Variants in RSF1 observed in about 807,000 individuals in gnomAD.
The protein encoded by RSF1 is remodeling and spacing factor 1.
RSF1 carries 13 observed loss-of-function variants against 145.2 expected under a neutral mutation model. The ratio of observed to expected loss-of-function variants is 0.09; its 90% CI spans 0.06 to 0.14. The LOEUF is 0.14. Among genes scored for constraint, RSF1 ranks in the 10% least tolerant of loss-of-function variants. The pLI is 1.00. For missense variants in RSF1, 1,517 were observed against 1,718.2 expected (o/e 0.88, Z 2.07); for synonymous variants, 577 against 592.6 (o/e 0.97, Z 0.38).
chr11:77,694,522 T>C (rs66738005), intron 7 of RSF1, among the ~76,000 whole-genome samples: 27,473 of 152,162 alleles, frequency 0.18, 3,145 homozygotes, highest in African/African-American at 0.31. Context: ...TACTCAAAAA[T>C]GTTTAATTTA....
At chr11:77,834,399 A>G in the RSF1 span, among the ~76,000 whole-genome samples, 4 of 148,948 alleles carry the variant, frequency 2.7e-5, no homozygotes, top group African/African-American at 7.4e-5. Context: ...TGAGGAAACC[A>G]TTACATCTTT....
intron 9 of RSF1, among the ~76,000 whole-genome samples, chr11:77,690,308 A>C (rs1465993956): frequency 1.3e-5 from 2 of 152,084 alleles, no homozygotes; most frequent in African/African-American, 4.8e-5. Context: ...TTAGCTGCCC[A>C]CCCAAGGAGA....
At chr11:77,695,635 C>T (rs1960261392) in intron 7 of RSF1, among the ~76,000 whole-genome samples, 1 of 151,786 alleles carries the variant, frequency 6.6e-6, no homozygotes, top group African/African-American at 2.4e-5. Flanking sequence ...GTTTCAGGAA[C>T]ATCTTGTATT....
intron 4 of RSF1, among the ~76,000 whole-genome samples, chr11:77,727,473 CTTTTTT>C (rs59747840): frequency 8.9e-6 from 1 of 112,268 alleles, no homozygotes; most frequent in East Asian, 2.5e-4. Context: ...ACTTCCACTA[CTTTTTT>C]TTTTTTTTTT....
intron 4 of RSF1, among the ~76,000 whole-genome samples, chr11:77,733,257 A>G (rs1036134688): frequency 6.6e-6 from 1 of 152,168 alleles, no homozygotes; most frequent in African/African-American, 2.4e-5. Context: ...TACTAATTCT[A>G]ATGGAAGTAA....
chr11:77,774,836 G>A (rs1001457296), intron 1 of RSF1, among the ~76,000 whole-genome samples: 3 of 150,010 alleles, frequency 2.0e-5, no homozygotes, highest in East Asian at 2.0e-4. Flanking sequence ...GCATGATCTC[G>A]GCTTGCTGCA....
chr11:77,724,221 C>G (rs1200216287), intron 5 of RSF1, among the ~76,000 whole-genome samples: 1 of 152,072 alleles, frequency 6.6e-6, no homozygotes, highest in African/African-American at 2.4e-5. Context: ...AAAAAACAAA[C>G]AGAAACAAGT....
At chr11:77,777,850 C>G (rs1948358149) in intron 1 of RSF1, among the ~76,000 whole-genome samples, 1 of 151,430 alleles carries the variant, frequency 6.6e-6, no homozygotes, top group Non-Finnish European at 1.5e-5. Flanking sequence ...AACAAACAAG[C>G]AAGCAAAATT....
chr11:77,808,754 C>T lies in RSF1; in HGVS notation c.187+11774G>A, dbSNP rs1479437293. ...TTCACCGTGTTAACCGGGATGGTCT[C>T]GATCTCCTGACCTCGTGATCCGCCC... On this transcript the variant is annotated intron_variant, in intron 1 of 15. Transcript: ENST00000308488. Among the ~76,000 whole-genome samples, 4 of 106,190 alleles carry T rather than the reference C, an allele frequency of 3.8e-5. 1 individual carries two copies. Among genetic ancestry groups the T allele is most frequent in the African/African-American group, 1.4e-4 (3 of 21,402 alleles). The allele number at this position is 106,190 out of a possible 152,430, so 69.7% of individuals were successfully genotyped here.
chr11:77,799,017 A>T (rs1948601301), intron 1 of RSF1, among the ~76,000 whole-genome samples: 1 of 151,748 alleles, frequency 6.6e-6, no homozygotes, highest in African/African-American at 2.4e-5. Flanking sequence ...AAACAAAAAT[A>T]AACAAATGGG....
the RSF1 span, chr11:77,869,673 A>G: frequency 6.5e-7 from 1 of 1,539,066 alleles, no homozygotes; most frequent in East Asian, 2.3e-5. Flanking sequence ...GCCTATTGCA[A>G]TGAAAGATTG....
intron 1 of RSF1, among the ~76,000 whole-genome samples, chr11:77,775,879 C>A (rs1948337374): frequency 6.6e-6 from 1 of 152,196 alleles, no homozygotes; most frequent in Non-Finnish European, 1.5e-5. Context: ...CTCAAGCAAT[C>A]CTCCTACTCA....
At position 77,810,168 on chromosome 11, in the gene RSF1, T is replaced by C. The variant is rs1189211893; in HGVS notation, c.187+10360A>G. Among the ~76,000 whole-genome samples the C allele has an allele frequency of 2.0e-5, 3 of 152,224 alleles. No individual in the cohort carries two copies. In the South Asian group the frequency reaches 6.2e-4, roughly 32 times the overall value. The stretch of plus-strand genomic sequence containing the variant: ...TTTAATAACTACATCCTTTCCCATC[T>C]GAGTACACGGCATCACCATTCATCC... On this transcript the variant is annotated intron_variant, in intron 1 of 15. Coordinates refer to ENST00000308488, the MANE Select transcript of RSF1 (RefSeq NM_016578.4).
chr11:77,668,172 T>C (rs1031407304), intron 15 of RSF1, among the ~76,000 whole-genome samples: 3 of 152,138 alleles, frequency 2.0e-5, no homozygotes, highest in African/African-American at 7.2e-5. Flanking sequence ...GCTAATTTCT[T>C]TGCATTTTTA....
chr11:77,793,804 T>C (rs961788538), intron 1 of RSF1, among the ~76,000 whole-genome samples: 2 of 151,950 alleles, frequency 1.3e-5, no homozygotes, highest in African/African-American at 2.4e-5. Flanking sequence ...CCATCCCCAA[T>C]AGAGGAGGAC....
chr11:77,780,782 G>A (rs1590883011), intron 1 of RSF1, among the ~76,000 whole-genome samples: 1 of 143,660 alleles, frequency 7.0e-6, no homozygotes, highest in Non-Finnish European at 1.5e-5. Context: ...CCAAGATCAT[G>A]CCACTGCACT....
intron 3 of RSF1, among the ~76,000 whole-genome samples, chr11:77,743,504 T>C (rs1312246649): frequency 6.6e-6 from 1 of 152,232 alleles, no homozygotes; most frequent in Non-Finnish European, 1.5e-5. Context: ...GTTTTTATAA[T>C]TTCTTTTTTG....
intron 2 of RSF1, among the ~76,000 whole-genome samples, chr11:77,749,011 T>C (rs1948032304): frequency 1.3e-5 from 2 of 152,166 alleles, no homozygotes; most frequent in Admixed American, 1.3e-4. Flanking sequence ...TACTATAGCA[T>C]AGACAAGGCT....
chr11:77,735,407 G>T (rs1321962414), intron 4 of RSF1, among the ~76,000 whole-genome samples: 1 of 151,848 alleles, frequency 6.6e-6, no homozygotes, highest in Admixed American at 6.6e-5. Context: ...TGTTTAATTT[G>T]CAAAGTTCAG....
Sources: allele counts gnomAD v4.1 joint callset (sites outside exome capture counted in the v4.1 genomes callset), GRCh38; gene constraint gnomAD v4.1.1; transcripts MANE v1.5; gene names NCBI Gene and HGNC (gene_info 2026-07-23, HGNC 2026-07-21).